Variants in INSR observed in about 807,000 individuals in gnomAD.
INSR encodes the protein IR.
INSR carries 67 observed loss-of-function variants against 142.6 expected under a neutral mutation model. The observed-to-expected ratio is 0.47, with a 90% CI of 0.39 to 0.58. The LOEUF (loss-of-function observed/expected upper bound fraction) is 0.58. Among genes scored for constraint, INSR ranks in the 20% least tolerant of loss-of-function variants. The probability of loss-of-function intolerance (pLI) is 0.00; values close to 1 mark genes in which losing one functional copy is unlikely to be tolerated. For synonymous variants in INSR, 756 were observed against 743.1 expected (o/e 1.02, Z -0.28); for missense variants, 1,248 against 1,833.2 (o/e 0.68, Z 5.83).
chr19:7,267,966 G>A lies in INSR; in HGVS notation c.101-70C>T, dbSNP rs1967791891. The A allele has an allele frequency of 1.5e-6, 2 of 1,322,136 alleles. No individual in the cohort carries two copies. The highest frequency in any genetic ancestry group is 2.5e-5 in the South Asian group (2 of 80,310). 81.9% of individuals were successfully genotyped at this position (1,322,136 alleles called of 1,614,324 possible). A position where few individuals can be genotyped will look rare whatever the true frequency, so the allele number is the denominator to read the frequency against. On this transcript the variant is annotated intron_variant, in intron 1 of 21. Transcript: ENST00000302850. This position sits in a 1 kb window ranked among gnomAD's most constrained non-coding sequence, Gnocchi z 6.3. The stretch of plus-strand genomic sequence containing the variant: ...ACGGTGGATGCATCAGAAGGATCAG[G>A]GGCAGAGCCGGCTTCATGGACAGGA...
In INSR at chr19:7,163,356, C is replaced by T. The variant is rs573267916; in HGVS notation, c.1862-157G>A. Among the ~76,000 whole-genome samples the T allele has an allele frequency of 5.9e-5, 9 of 152,086 alleles. No homozygotes were observed. The East Asian group carries it at 7.7e-4, about 13-fold the overall frequency. On this transcript the variant is annotated intron_variant, in intron 8 of 21. Coordinates refer to ENST00000302850, the MANE Select transcript of INSR (RefSeq NM_000208.4). ...CAGGCGGATCACGAGGTCAGGAGAT[C>T]GAGACCATCCTGGTTAACACAGTGA...
intron 2 of INSR, among the ~76,000 whole-genome samples, chr19:7,248,182 G>C (rs1207168558): frequency 6.6e-6 from 1 of 150,586 alleles, no homozygotes; most frequent in Non-Finnish European, 1.5e-5. Context: ...GTCTCGCTCT[G>C]TCACCCAGGC....
intron 1 of INSR, among the ~76,000 whole-genome samples, chr19:7,282,527 C>T (rs906302813): frequency 6.6e-6 from 1 of 151,422 alleles, no homozygotes; most frequent in East Asian, 2.0e-4. Context: ...TACTAAAATG[C>T]AAAAATTAGC....
rs1972626959 is a variant in INSR at position 7,125,569 on chromosome 19, T to C, written c.3014-42A>G. ...TACACAGCATCCTTGGAGGATCCCT[T>C]GGGGGTCTGCAGCCACCTTCCACCC... On this transcript the variant is annotated intron_variant, in intron 16 of 21. Coordinates refer to ENST00000302850, the MANE Select transcript of INSR (RefSeq NM_000208.4). This position sits in a 1 kb window ranked among gnomAD's most constrained non-coding sequence, Gnocchi z 4.9. 1.9e-6 allele frequency: 3 copies of C among 1,607,794 alleles called. No homozygotes were observed. The highest frequency in any genetic ancestry group is 1.3e-5 in the African/African-American group (1 of 75,032).
At chr19:7,284,586 A>T (rs11673642) in intron 1 of INSR, among the ~76,000 whole-genome samples, 140,195 of 152,148 alleles carry the variant, frequency 0.92, 64,905 homozygotes, top group Non-Finnish European at 0.97. Context: ...TGGAGTGCAG[A>T]GGCACAATCT....
At chr19:7,193,521 A>C (rs1974657024) in intron 2 of INSR, among the ~76,000 whole-genome samples, 1 of 151,608 alleles carries the variant, frequency 6.6e-6, no homozygotes, top group Admixed American at 6.6e-5. Context: ...ATAAAAAAAC[A>C]AACAAAAAAA....
At chr19:7,167,730 G>C (rs970172424) in intron 7 of INSR, among the ~76,000 whole-genome samples, 1 of 152,176 alleles carries the variant, frequency 6.6e-6, no homozygotes, top group Non-Finnish European at 1.5e-5. Context: ...AAACTGGCCA[G>C]TCCGGGCTTC....
At chr19:7,143,200 G>A in intron 11 of INSR, 110 bp from the exon 12 acceptor site, 1 of 1,257,386 alleles carries the variant, frequency 8.0e-7, no homozygotes, top group Non-Finnish European at 1.1e-6. Context: ...GAGCGCAGGA[G>A]GGTGCAGCAA....
Position 7,125,344 on chromosome 19 carries a change from C to T in INSR, c.3197G>A (p.Arg1066Gln), listed in dbSNP as rs372010924. ...VKTVNESASLRERIEFLNEAS... is the reference protein window; with the variant it reads ...VKTVNESASLQERIEFLNEAS... Reference sequence around the variant, plus strand: ...CTCATTGAGGAACTCAATCCGCTCTCGGAGACTGGCTGACTCGTTGACCGT... The same window carrying T: ...CTCATTGAGGAACTCAATCCGCTCTTGGAGACTGGCTGACTCGTTGACCGT... Residue 1066 changes from arginine (R) to glutamine (Q), a missense_variant, in exon 17 of 22, where the codon CGA becomes CAA. Arg to Gln is a conservative substitution (Grantham distance 43). Transcript: ENST00000302850. The surrounding 1 kb of genome is among the most constrained non-coding windows in gnomAD (Gnocchi z 4.9). The T allele has an allele frequency of 1.5e-5, 25 of 1,613,972 alleles. No homozygotes were observed. Among genetic ancestry groups the T allele is most frequent in the East Asian group, 8.9e-5 (4 of 44,886 alleles).
chr19:7,178,243 T>TC (rs1403719988), intron 3 of INSR, among the ~76,000 whole-genome samples: 5 of 47,278 alleles, frequency 1.1e-4, no homozygotes, highest in Admixed American at 2.9e-4. Context: ...GGGTGACTTG[T>TC]GGGGGGGGGG....
intron 4 of INSR, among the ~76,000 whole-genome samples, chr19:7,173,428 C>T (rs917005989): frequency 6.6e-6 from 1 of 151,664 alleles, no homozygotes; most frequent in Non-Finnish European, 1.5e-5. Context: ...AAGTGATTCT[C>T]CTGCCTCAGC....
In INSR at chr19:7,113,386, A is replaced by C. The variant is rs2144780193; in HGVS notation, c.*3670T>G. 1 of 152,300 alleles carries C rather than the reference A, an allele frequency of 6.6e-6. No individual in the cohort carries two copies. Among genetic ancestry groups the C allele is most frequent in the East Asian group, 1.9e-4 (1 of 5,178 alleles). The allele number at this position is 152,300 out of a possible 1,614,324, so 9.4% of individuals were successfully genotyped here. On this transcript the variant is annotated 3_prime_UTR_variant, in exon 22 of 22. Coordinates refer to ENST00000302850, the MANE Select transcript of INSR (RefSeq NM_000208.4). ...AGCTTCTCTCAATCATCCTCAGCCT[A>C]TATCCAGACAAGCAGCAGTGCTTCT...
chr19:7,188,527 C>T (rs11085215), intron 2 of INSR, among the ~76,000 whole-genome samples: 79,859 of 142,448 alleles, frequency 0.56, 23,266 homozygotes, highest in Admixed American at 0.63. Flanking sequence ...TCCAGGCTGG[C>T]TGACAGAGTG....
At position 7,184,575 on chromosome 19, in the gene INSR, AC is replaced by A. The variant is rs1974369580; in HGVS notation, c.714del (p.Glu238AspfsTer44). On this transcript the variant is annotated frameshift_variant, in exon 3 of 22. Transcript: ENST00000302850. LOFTEE classifies it high-confidence loss of function. ...CTAEGLCCHS[E>X]CLGNCSQPDD... Reference sequence around the variant, plus strand: ...TCGGGCTGAGAACAGTTGCCCAGGCACTCGCTGTGGCAACAGAGGCCTTCGG... The same window carrying A: ...TCGGGCTGAGAACAGTTGCCCAGGCATCGCTGTGGCAACAGAGGCCTTCGG... 6.2e-7 allele frequency: 1 copy of A among 1,613,120 alleles called. No homozygotes were observed. The highest frequency in any genetic ancestry group is 1.7e-5 in the Admixed American group (1 of 59,898).
At chr19:7,191,451 C>T (rs1011197722) in intron 2 of INSR, among the ~76,000 whole-genome samples, 2 of 152,090 alleles carry the variant, frequency 1.3e-5, no homozygotes, top group Admixed American at 6.6e-5. Flanking sequence ...TGGTGCTGGA[C>T]GTTTCCACAT....
intron 10 of INSR, among the ~76,000 whole-genome samples, chr19:7,151,354 C>T (rs1443033720): frequency 6.6e-6 from 1 of 151,090 alleles, no homozygotes; most frequent in Non-Finnish European, 1.5e-5. Flanking sequence ...TAGCTCACAG[C>T]AGCCTCCAAC....
At chr19:7,155,633 C>T (rs1377328927) in intron 9 of INSR, among the ~76,000 whole-genome samples, 3 of 147,784 alleles carry the variant, frequency 2.0e-5, no homozygotes, top group Non-Finnish European at 4.5e-5. Context: ...ATAAAGGGGG[C>T]CAGGTACAGT....
chr19:7,162,999 C>T (rs1415028000), intron 9 of INSR, 33 bp downstream of exon 9: 1 of 1,611,218 alleles, frequency 6.2e-7, no homozygotes, highest in East Asian at 2.2e-5. Context: ...GTGTGCAAAC[C>T]CCACCGATCC....
intron 9 of INSR, among the ~76,000 whole-genome samples, chr19:7,156,100 G>A (rs1163990003): frequency 4.6e-5 from 5 of 107,546 alleles, no homozygotes; most frequent in Non-Finnish European, 8.5e-5. Flanking sequence ...TTGCTCTGTC[G>A]CCCAGGCTGG....
Sources: allele counts gnomAD v4.1 joint callset (sites outside exome capture counted in the v4.1 genomes callset), GRCh38; gene constraint gnomAD v4.1.1; non-coding constraint Gnocchi (gnomAD v3.1); transcripts MANE v1.5; gene names NCBI Gene and HGNC (gene_info 2026-07-23, HGNC 2026-07-21).